The following TNFRSF19 variants were observed in gnomAD, a reference collection of about 807,000 sequenced individuals.
TNFRSF19 encodes TNF receptor superfamily member 19.
TNFRSF19 carries 27 observed loss-of-function variants against 46.4 expected under a neutral mutation model. The observed-to-expected ratio is 0.58, with a 90% CI of 0.43 to 0.80. The LOEUF (loss-of-function observed/expected upper bound fraction) is 0.80, where lower values mean the gene tolerates loss of function less well. TNFRSF19 is among the 30% of genes least tolerant of loss of function. TNFRSF19 has a pLI of 0.00. For synonymous variants in TNFRSF19, 204 were observed against 205.0 expected (o/e 1.00, Z 0.04); for missense variants, 511 against 530.8 (o/e 0.96, Z 0.37).
intron 1 of TNFRSF19, among the ~76,000 whole-genome samples, chr13:23,572,813 C>A (rs1203614972): frequency 6.6e-6 from 1 of 152,200 alleles, no homozygotes; most frequent in Non-Finnish European, 1.5e-5. Context: ...ATGACTTTGG[C>A]AGATATAGTC....
At chr13:23,630,322 A>G (rs1882276147) in intron 5 of TNFRSF19, among the ~76,000 whole-genome samples, 3 of 150,952 alleles carry the variant, frequency 2.0e-5, no homozygotes, top group Admixed American at 1.3e-4. Flanking sequence ...AAAAAAAAAA[A>G]AAGGGTAAAA....
At chr13:23,638,386 C>T (rs1025445486) in intron 5 of TNFRSF19, among the ~76,000 whole-genome samples, 5 of 152,172 alleles carry the variant, frequency 3.3e-5, no homozygotes, top group Non-Finnish European at 5.9e-5. Flanking sequence ...TGAGTTGCTC[C>T]GGCATAATGG....
At chr13:23,665,790 T>C (rs376599562) in intron 7 of TNFRSF19, among the ~76,000 whole-genome samples, 19 of 152,292 alleles carry the variant, frequency 1.2e-4, no homozygotes, top group African/African-American at 4.6e-4. Context: ...TTCAGTGCCA[T>C]TATATAATCT....
chr13:23,589,051 T>A (rs1414358798), intron 1 of TNFRSF19, among the ~76,000 whole-genome samples: 4 of 152,234 alleles, frequency 2.6e-5, no homozygotes, highest in African/African-American at 9.7e-5. Context: ...TTGTTTTTCT[T>A]GAGCTGTTTG....
At chr13:23,620,893 G>A (rs1239053315) in intron 4 of TNFRSF19, among the ~76,000 whole-genome samples, 1 of 152,126 alleles carries the variant, frequency 6.6e-6, no homozygotes, top group African/African-American at 2.4e-5. Context: ...ACTATCATCC[G>A]AACCACTCTG....
chr13:23,587,063 C>T (rs150035612), intron 1 of TNFRSF19, among the ~76,000 whole-genome samples: 243 of 152,184 alleles, frequency 1.6e-3, no homozygotes, highest in African/African-American at 5.6e-3. Context: ...ACCCATGGTA[C>T]ATAATCTCAG....
At chr13:23,661,592 T>C (rs1884372701) in intron 7 of TNFRSF19, among the ~76,000 whole-genome samples, 1 of 152,230 alleles carries the variant, frequency 6.6e-6, no homozygotes, top group African/African-American at 2.4e-5. Context: ...GGTAGTTCTA[T>C]TTTTAGCTCT....
At chr13:23,607,663 A>AT (rs138855378) in intron 3 of TNFRSF19, among the ~76,000 whole-genome samples, 1 of 152,090 alleles carries the variant, frequency 6.6e-6, no homozygotes, top group Non-Finnish European at 1.5e-5. Context: ...TAAAAAGTAC[A>AT]TTTTTTAGTA....
intron 5 of TNFRSF19, among the ~76,000 whole-genome samples, chr13:23,631,464 G>T (rs1372474484): frequency 2.0e-5 from 3 of 152,180 alleles, no homozygotes; most frequent in Non-Finnish European, 4.4e-5. Context: ...GTGGCCTACA[G>T]TTGGACTTCT....
chr13:23,591,163 C>G (rs1186055171), intron 2 of TNFRSF19, among the ~76,000 whole-genome samples: 1 of 152,038 alleles, frequency 6.6e-6, no homozygotes, highest in Non-Finnish European at 1.5e-5. Flanking sequence ...TCTTGAAAGA[C>G]AAGGTTAGGC....
chr13:23,669,100 A>G lies in TNFRSF19; in HGVS notation c.1245+3A>G. 4 of 1,613,352 alleles carry G rather than the reference A, an allele frequency of 2.5e-6. No homozygotes were observed. Among genetic ancestry groups the G allele is most frequent in the Non-Finnish European group, 2.5e-6 (3 of 1,179,672 alleles). On this transcript the variant is annotated splice_donor_region_variant and intron_variant, in intron 9 of 9. Transcript: ENST00000248484. ...CAGCCACTCAGACGTCCCTCCAGGT[A>G]AGGCAGCGACTGGGTTCCCTGTGAA...
chr13:23,589,851 T>C (rs1879125196), intron 1 of TNFRSF19, among the ~76,000 whole-genome samples: 1 of 139,284 alleles, frequency 7.2e-6, no homozygotes, highest in South Asian at 2.3e-4. Context: ...TGAAGTAGAT[T>C]GGCTGCTGTA....
intron 4 of TNFRSF19, among the ~76,000 whole-genome samples, chr13:23,623,533 C>T (rs2138280478): frequency 6.6e-6 from 1 of 152,320 alleles, no homozygotes; most frequent in Middle Eastern, 3.4e-3. Context: ...GTGCTGTTTT[C>T]CATAGCGGCT....
chr13:23,639,657 G>A (rs1882911634), intron 5 of TNFRSF19, among the ~76,000 whole-genome samples: 1 of 152,176 alleles, frequency 6.6e-6, no homozygotes, highest in African/African-American at 2.4e-5. Flanking sequence ...GTACCACCTG[G>A]CACAAACCAG....
chr13:23,668,684 G>C lies in TNFRSF19; in HGVS notation c.840-8G>C. On this transcript the variant is annotated splice_region_variant and splice_polypyrimidine_tract_variant and intron_variant, in intron 8 of 9. Transcript: ENST00000248484. Reference sequence around the variant, plus strand: ...AAAAACTTTAAGTTCTTTTGAACGTGTGTGCAGAAACGCAGGCCCAGCCGG... The same window carrying C: ...AAAAACTTTAAGTTCTTTTGAACGTCTGTGCAGAAACGCAGGCCCAGCCGG... The C allele has an allele frequency of 6.2e-7, 1 of 1,606,738 alleles. No homozygotes were observed. Among genetic ancestry groups the C allele is most frequent in the Non-Finnish European group, 8.5e-7 (1 of 1,176,792 alleles).
At chr13:23,621,712 G>T (rs1881665710) in intron 4 of TNFRSF19, among the ~76,000 whole-genome samples, 1 of 152,118 alleles carries the variant, frequency 6.6e-6, no homozygotes, top group African/African-American at 2.4e-5. Flanking sequence ...GGGAGGCTGA[G>T]GCAGGTGGAT....
intron 9 of TNFRSF19, chr13:23,669,848 T>A: frequency 5.2e-6 from 2 of 388,042 alleles, no homozygotes; most frequent in Non-Finnish European, 7.0e-6. Context: ...TTTCCTTAAA[T>A]GGGAGTGCAT....
intron 5 of TNFRSF19, 25 bp downstream of exon 5, chr13:23,626,817 G>A (rs760174896): frequency 1.9e-6 from 3 of 1,607,052 alleles, no homozygotes; most frequent in East Asian, 2.2e-5. Context: ...CACAGGCAGA[G>A]CCAAGGGGAC....
chr13:23,636,888 G>C lies in TNFRSF19; in HGVS notation c.445+10096G>C, dbSNP rs146428476. Among the ~76,000 whole-genome samples, 422 of 152,208 alleles carry C rather than the reference G, an allele frequency of 2.8e-3. 1 individual carries two copies. Among genetic ancestry groups the C allele is most frequent in the African/African-American group, 9.2e-3 (380 of 41,518 alleles). Reference sequence around the variant, plus strand: ...ATGTATGTGCTTTGAGAAATAGTGTGGCTTTTCACCCCTTTCTCAAGAGTT... The same window carrying C: ...ATGTATGTGCTTTGAGAAATAGTGTCGCTTTTCACCCCTTTCTCAAGAGTT... On this transcript the variant is annotated intron_variant, in intron 5 of 9. Coordinates refer to ENST00000248484, the MANE Select transcript of TNFRSF19 (RefSeq NM_148957.4).
Sources: gnomAD v4.1 joint callset for allele counts (sites outside exome capture counted in the v4.1 genomes callset) on GRCh38, gnomAD v4.1.1 for gene constraint, MANE v1.5 for transcripts, NCBI Gene and HGNC (gene_info 2026-07-23, HGNC 2026-07-21) for gene names.